HSD17B14: variants seen among roughly 807,000 people sequenced by gnomAD.
HSD17B14 encodes the protein L-fucose dehydrogenase.
In HSD17B14, 32 loss-of-function variants were observed where a neutral mutation model predicts 32.2. The observed-to-expected ratio is 0.99, with a 90% CI of 0.75 to 1.33. HSD17B14 has a LOEUF of 1.33. HSD17B14 is among the 40% of genes most tolerant of loss of function. The pLI, the probability that HSD17B14 is intolerant of heterozygous loss-of-function variation, is 0.00. For missense variants in HSD17B14, 370 were observed against 366.5 expected (o/e 1.01, Z -0.08); for synonymous variants, 140 against 155.4 (o/e 0.90, Z 0.74).
intron 5 of HSD17B14, among the ~76,000 whole-genome samples, chr19:48,815,647 A>T (rs1039162256): frequency 1.1e-4 from 16 of 152,090 alleles, no homozygotes; most frequent in Non-Finnish European, 1.2e-4. Flanking sequence ...AAGTGTTGGG[A>T]TTACAGGCAC....
At chr19:48,822,253 A>T (rs1249523914) in intron 5 of HSD17B14, among the ~76,000 whole-genome samples, 1 of 126,686 alleles carries the variant, frequency 7.9e-6, no homozygotes. Flanking sequence ...GGTGATGGTA[A>T]ATTTTAGTAA....
chr19:48,818,237 G>T (rs1036850489), intron 5 of HSD17B14, among the ~76,000 whole-genome samples: 1 of 151,436 alleles, frequency 6.6e-6, no homozygotes, highest in African/African-American at 2.4e-5. Context: ...CTTGATCCCG[G>T]GAGGCAGAGG....
chr19:48,817,914 C>T (rs763094675), intron 5 of HSD17B14, among the ~76,000 whole-genome samples: 21 of 152,198 alleles, frequency 1.4e-4, no homozygotes, highest in African/African-American at 2.7e-4. Flanking sequence ...GGATGATTGA[C>T]GCCCGCAGGG....
rs74174261 is a variant in HSD17B14, at chr19:48,826,544, C to G, written c.369+5124G>C. Among the ~76,000 whole-genome samples the G allele has an allele frequency of 1.3e-3, 64 of 49,966 alleles. 1 individual carries two copies. Among genetic ancestry groups the G allele is most frequent in the African/African-American group, 3.9e-3 (59 of 14,978 alleles). 32.8% of individuals were successfully genotyped at this position (49,966 alleles called of 152,430 possible). ...AAAGAAGAAAATATATATATATATA[C>G]ACACACACACACACACACACACACA... On this transcript the variant is annotated intron_variant, in intron 5 of 8. Coordinates refer to ENST00000263278, the MANE Select transcript of HSD17B14 (RefSeq NM_016246.3).
At chr19:48,813,837 C>G (rs2035005545) in intron 6 of HSD17B14, 107 bp from the exon 7 acceptor site, 4 of 1,262,712 alleles carry the variant, frequency 3.2e-6, no homozygotes, top group Non-Finnish European at 4.6e-6. Flanking sequence ...GAAGTCATGC[C>G]CTCCTTGAAG....
At chr19:48,825,975 C>T (rs749780764) in intron 5 of HSD17B14, among the ~76,000 whole-genome samples, 3 of 152,140 alleles carry the variant, frequency 2.0e-5, no homozygotes, top group Middle Eastern at 3.4e-3. Flanking sequence ...CACCCGCCAC[C>T]GCGCACAGCT....
chr19:48,813,717 G>T lies in HSD17B14; in HGVS notation c.488C>A (p.Ala163Asp). Residue 163 changes from alanine to aspartate, a missense_variant, in exon 7 of 9, where the codon GCC (alanine) becomes GAC (aspartate). Physicochemically the swap from Ala to Asp is moderately radical, Grantham distance 126 (BLOSUM62 -2). Transcript: ENST00000263278. Reference sequence around the variant, plus strand: ...ATCCAGGGCCAAAGCTTTGGTCATGGCTGTTACTGCCCCCTGCAGGAAATG... The same window carrying T: ...ATCCAGGGCCAAAGCTTTGGTCATGTCTGTTACTGCCCCCTGCAGGAAATG... Reference protein sequence around the residue: ...PYVATKGAVTAMTKALALDES... With the variant: ...PYVATKGAVTDMTKALALDES... 2 of 1,614,204 alleles carry T rather than the reference G, an allele frequency of 1.2e-6. No homozygotes were observed. The highest frequency in any genetic ancestry group is 8.5e-7 in the Non-Finnish European group (1 of 1,180,026).
chr19:48,826,527 A>AG (rs1490941364), intron 5 of HSD17B14, among the ~76,000 whole-genome samples: 1 of 48,778 alleles, frequency 2.1e-5, no homozygotes, highest in African/African-American at 8.4e-5. Context: ...GAAAAGAAGA[A>AG]AATATATATA....
rs751373181 is a variant in HSD17B14, at chr19:48,813,686, A to T, written c.519T>A (p.Ser173Arg). 1.2e-6 allele frequency: 2 copies of T among 1,614,014 alleles called. No homozygotes were observed. Among genetic ancestry groups the T allele is most frequent in the African/African-American group, 2.7e-5 (2 of 74,910 alleles). Residue 173 changes from serine to arginine, a missense_variant, in exon 7 of 9, where the codon AGT (serine) becomes AGA (arginine). By Grantham distance (110) the Ser-to-Arg change is moderately radical (BLOSUM62 -1). Coordinates refer to ENST00000263278, the MANE Select transcript of HSD17B14 (RefSeq NM_016246.3). ...AMTKALALDE[S>R]PYGVRVNCIS... is the part of the protein sequence containing the mutation. Reference sequence around the variant, plus strand: ...ACCAGTTGACTCGGACACCATATGGACTTTCATCCAGGGCCAAAGCTTTGG... The same window carrying T: ...ACCAGTTGACTCGGACACCATATGGTCTTTCATCCAGGGCCAAAGCTTTGG...
At chr19:48,823,845 T>C in intron 5 of HSD17B14, among the ~76,000 whole-genome samples, 1 of 151,132 alleles carries the variant, frequency 6.6e-6, no homozygotes. Context: ...TTCACCATGT[T>C]AGCCAGGCTG....
chr19:48,818,338 G>C (rs1305752742), intron 5 of HSD17B14, among the ~76,000 whole-genome samples: 1 of 145,652 alleles, frequency 6.9e-6, no homozygotes, highest in Non-Finnish European at 1.5e-5. Context: ...AAAAGAAAAA[G>C]AGAAACCATG....
At chr19:48,821,778 C>A (rs4459651) in intron 5 of HSD17B14, among the ~76,000 whole-genome samples, 1 of 150,788 alleles carries the variant, frequency 6.6e-6, no homozygotes, top group African/African-American at 2.4e-5. Context: ...ATAAGGATGA[C>A]GGTGAAGATG....
intron 2 of HSD17B14, 51 bp from the exon 3 acceptor site, chr19:48,834,409 G>T (rs549467693): frequency 1.7e-6 from 2 of 1,192,574 alleles, no homozygotes; most frequent in African/African-American, 1.5e-5. Context: ...TCAGGGAGGA[G>T]GGGTTGGGGA....
chr19:48,829,502 C>T (rs370040578), intron 5 of HSD17B14, among the ~76,000 whole-genome samples: 1 of 151,934 alleles, frequency 6.6e-6, no homozygotes, highest in African/African-American at 2.4e-5. Context: ...CAGGCACCTG[C>T]CACCACGCAC....
intron 5 of HSD17B14, among the ~76,000 whole-genome samples, chr19:48,821,169 C>T (rs146194001): frequency 1.8e-3 from 280 of 152,126 alleles, no homozygotes; most frequent in African/African-American, 6.1e-3. Context: ...CCCGCTACCA[C>T]GCCCAGCTAA....
chr19:48,830,138 C>T (rs985794324), intron 5 of HSD17B14, among the ~76,000 whole-genome samples: 27 of 152,098 alleles, frequency 1.8e-4, no homozygotes, highest in African/African-American at 5.8e-4. Flanking sequence ...AGACAGACTC[C>T]ATCCTGGCTC....
At chr19:48,816,802 T>TCTTTCTTTCTTTCTTTCTTA (rs2035061100) in intron 5 of HSD17B14, among the ~76,000 whole-genome samples, 1 of 115,964 alleles carries the variant, frequency 8.6e-6, no homozygotes, top group Admixed American at 9.6e-5. Context: ...TTTCTTTCTT[T>TCTTTCTTTCTTTCTTTCTTA]CTTTCTTTCT....
intron 5 of HSD17B14, 43 bp from the exon 6 acceptor site, chr19:48,815,184 C>G: frequency 6.9e-7 from 1 of 1,439,052 alleles, no homozygotes; most frequent in Non-Finnish European, 9.8e-7. Flanking sequence ...AGCCCTGCAT[C>G]TTCGCAGACC....
At chr19:48,818,246 G>A (rs1352215364) in intron 5 of HSD17B14, among the ~76,000 whole-genome samples, 1 of 151,220 alleles carries the variant, frequency 6.6e-6, no homozygotes. Flanking sequence ...GGGAGGCAGA[G>A]GTTGCAGTAA....
Sources: gnomAD v4.1 joint callset for allele counts (sites outside exome capture counted in the v4.1 genomes callset) on GRCh38, gnomAD v4.1.1 for gene constraint, MANE v1.5 for transcripts, NCBI Gene and HGNC (gene_info 2026-07-23, HGNC 2026-07-21) for gene names.